Variants in PKD1 observed in about 807,000 individuals in gnomAD.
PKD1 encodes polycystin 1, transient receptor potential channel interacting.
Under a neutral mutation model 361.7 loss-of-function variants are expected in PKD1, and 81 were observed. The observed-to-expected ratio is 0.22, with a 90% CI of 0.19 to 0.27. The LOEUF is 0.27. PKD1 is among the 10% of genes least tolerant of loss of function. The pLI is 1.00. For missense variants in PKD1, 6,399 were observed against 6,118.3 expected, an observed-to-expected ratio of 1.05 and a Z score of -1.53; for synonymous variants, 3,615 against 2,818.3, an observed-to-expected ratio of 1.28 and a Z score of -8.95.
Position 2,091,543 on chromosome 16 carries a change from G to A in PKD1, c.11592C>T (p.His3864=), listed in dbSNP as rs569270149. 54 of 1,518,878 alleles carry A rather than the reference G, an allele frequency of 3.6e-5. No individual in the cohort carries two copies. In the East Asian group the frequency reaches 9.0e-4, roughly 25 times the overall value. 94.1% of individuals were successfully genotyped at this position (1,518,878 alleles called of 1,614,324 possible). ...ACTCGAGGCGCAGCGTGACGGCGGC[G>A]TGCAGCCCCACGGCCGGGCTGTAGC... is the stretch of plus-strand genomic sequence containing the variant. ...LTRYSPAVGL[H]AAVTLRLEFP... Residue 3864 remains histidine, a synonymous_variant, in exon 42 of 46, where the codon CAC becomes CAT. Coordinates refer to ENST00000262304, the MANE Select transcript of PKD1 (RefSeq NM_001009944.3).
intron 1 of PKD1, chr16:2,133,168 G>A (rs952997746): frequency 4.6e-5 from 7 of 150,754 alleles, no homozygotes; most frequent in South Asian, 2.1e-4. Context: ...GGGGTGGGGG[G>A]TCTGTGAGTC....
In PKD1 at chr16:2,089,689, A is replaced by G; in HGVS notation, c.*38T>C. 1 of 1,551,362 alleles carries G rather than the reference A, an allele frequency of 6.4e-7. No homozygotes were observed. The highest frequency in any genetic ancestry group is 2.4e-5 in the East Asian group (1 of 41,680). ...CAGAAAGTAATACTGAGCGGTGTCC[A>G]CTCCGACTCCACGGCCCACCCCCGC... On this transcript the variant is annotated 3_prime_UTR_variant, in exon 46 of 46. Transcript: ENST00000262304.
At chr16:2,115,764 G>T in intron 9 of PKD1, 139 bp from the exon 10 acceptor site, 1 of 1,028,726 alleles carries the variant, frequency 9.7e-7, no homozygotes, top group Non-Finnish European at 1.4e-6. Flanking sequence ...GCCCAGTGCT[G>T]CGTCCGTCTC....
At chr16:2,126,461 T>C (rs1405818189) in intron 1 of PKD1, among the ~76,000 whole-genome samples, 1 of 152,270 alleles carries the variant, frequency 6.6e-6, no homozygotes, top group Non-Finnish European at 1.5e-5. Context: ...GATGTAGCCC[T>C]TCTCCTGCCA....
chr16:2,092,873 T>C (rs973962901), intron 38 of PKD1, 81 bp downstream of exon 38: 13 of 1,528,188 alleles, frequency 8.5e-6, no homozygotes, highest in Non-Finnish European at 1.2e-5. Flanking sequence ...TCTACACATG[T>C]CCACATGTCC....
At position 2,111,562 on chromosome 16, in the gene PKD1, G is replaced by A. The variant is rs767834829; in HGVS notation, c.3605C>T (p.Ala1202Val). ...CTCAAAGACGCGCACATCCGCCTGG[G>A]CCGCCGCACCGCTCACCGTGTTGTT... ...EVNNTVSGAA[A>V]QADVRVFEEL... The change falls in exon 15 of 46, where the codon GCC (alanine) becomes GTC (valine). Residue 1202 changes from alanine (A) to valine (V), a missense_variant. Coordinates refer to ENST00000262304, the MANE Select transcript of PKD1 (RefSeq NM_001009944.3). The A allele has an allele frequency of 2.4e-5, 38 of 1,582,104 alleles. No individual in the cohort carries two copies. The highest frequency in any genetic ancestry group is 2.0e-4 in the Middle Eastern group (1 of 4,912).
intron 26 of PKD1, among the ~76,000 whole-genome samples, chr16:2,101,797 G>A (rs1323994404): frequency 5.3e-5 from 8 of 152,242 alleles, no homozygotes; most frequent in Admixed American, 1.3e-4. Context: ...CGATGCTCAC[G>A]TCACTTGTGG....
At position 2,108,798 on chromosome 16, in the gene PKD1, C is replaced by A; in HGVS notation, c.6369G>T (p.Gln2123His). 2 of 1,569,090 alleles carry A rather than the reference C, an allele frequency of 1.3e-6. No homozygotes were observed. Among genetic ancestry groups the A allele is most frequent in the Admixed American group, 1.8e-5 (1 of 54,850 alleles). ...SYLRPGDYRV[Q>H]VNASNLVSFF... ...AGCTCACCAGGTTGGAGGCGTTCAC[C>A]TGCACGCGGTAGTCCCCAGGCCTCA... Residue 2123 changes from glutamine (Q) to histidine (H), a missense_variant, in exon 15 of 46, where the codon CAG becomes CAT. By Grantham distance (24) the Gln-to-His change is conservative (BLOSUM62 0). Transcript: ENST00000262304.
rs914018183 is a variant in PKD1 at position 2,119,344 on chromosome 16, C to T, written c.250G>A (p.Val84Ile). Residue 84 changes from valine (V) to isoleucine (I), a missense_variant, in exon 2 of 46, where the codon GTT (valine) becomes ATT (isoleucine). Physicochemically the swap from Val to Ile is conservative, Grantham distance 29. Coordinates refer to ENST00000262304, the MANE Select transcript of PKD1 (RefSeq NM_001009944.3). ...VSHNLLRALD[V>I]GLLANLSALA... ...GCCGAGAGGTTCGCCAGGAGCCCAA[C>T]GTCCAGCGCCCGGAGCAGGTTGTGG... 5.4e-5 allele frequency: 76 copies of T among 1,412,024 alleles called. No individual in the cohort carries two copies. Among genetic ancestry groups the T allele is most frequent in the Middle Eastern group, 2.4e-4 (1 of 4,140 alleles). The allele number at this position is 1,412,024 out of a possible 1,614,324, so 87.5% of individuals were successfully genotyped here.
chr16:2,118,046 C>T lies in PKD1; in HGVS notation c.946G>A (p.Ala316Thr), dbSNP rs1206750711. The T allele has an allele frequency of 1.9e-6, 3 of 1,603,620 alleles. No homozygotes were observed. In the African/African-American group the frequency reaches 4.0e-5, roughly 21 times the overall value. Residue 316 changes from alanine (A) to threonine (T), a missense_variant, in exon 5 of 46, where the codon GCC (alanine) becomes ACC (threonine). By Grantham distance (58) the Ala-to-Thr change is moderately conservative (BLOSUM62 0). Transcript: ENST00000262304. The surrounding 1 kb of genome is among the most constrained non-coding windows in gnomAD (Gnocchi z 6.0). The part of the protein sequence containing the change: ...DFGDGSAEVD[A>T]AGPAASHRYV... ...CGATGCGAGGCAGCCGGCCCAGCGGCATCCACCTCGGCGGAGCCGTCTCCG... is the reference window on the plus strand; with the variant it reads ...CGATGCGAGGCAGCCGGCCCAGCGGTATCCACCTCGGCGGAGCCGTCTCCG...
At chr16:2,102,782 C>A in intron 24 of PKD1, 32 bp downstream of exon 24, 1 of 1,609,680 alleles carries the variant, frequency 6.2e-7, no homozygotes. Flanking sequence ...GATGCCCTGC[C>A]CTGCCCTGCC....
chr16:2,093,398 G>A, intron 37 of PKD1, 146 bp downstream of exon 37: 2 of 819,418 alleles, frequency 2.4e-6, no homozygotes, highest in South Asian at 1.7e-5. Flanking sequence ...GGGGTAGGAG[G>A]GAGACCGGGC....
chr16:2,132,856 C>A (rs890120129), intron 1 of PKD1, among the ~76,000 whole-genome samples: 3 of 148,502 alleles, frequency 2.0e-5, no homozygotes, highest in Non-Finnish European at 4.5e-5. Context: ...CCGAGGCGGG[C>A]GGATCATCTG....
Position 2,097,505 on chromosome 16 carries a change from T to G in PKD1, c.10221-2A>C. ...TCGCCGGAGGGCCAGCACACCAGACTGCAGGTGGCGCGGGTCAGCAAGGTA... is the reference window on the plus strand; with the variant it reads ...TCGCCGGAGGGCCAGCACACCAGACGGCAGGTGGCGCGGGTCAGCAAGGTA... On this transcript the variant is annotated splice_acceptor_variant, in intron 32 of 45. Transcript: ENST00000262304. LOFTEE classifies it high-confidence loss of function. 1.2e-6 allele frequency: 2 copies of G among 1,601,628 alleles called. No homozygotes were observed. The highest frequency in any genetic ancestry group is 1.1e-5 in the South Asian group (1 of 90,992).
intron 26 of PKD1, among the ~76,000 whole-genome samples, chr16:2,101,399 G>A (rs1026207076): frequency 5.3e-5 from 8 of 152,168 alleles, no homozygotes; most frequent in Non-Finnish European, 1.2e-4. Context: ...TGTCATCCCA[G>A]CACTCTGGCA....
At chr16:2,123,885 C>T (rs2092759604) in intron 1 of PKD1, among the ~76,000 whole-genome samples, 1 of 152,206 alleles carries the variant, frequency 6.6e-6, no homozygotes, top group African/African-American at 2.4e-5. Flanking sequence ...GAAGCTGAAG[C>T]CAAGCTTGTC....
At chr16:2,124,020 C>T (rs1401130433) in intron 1 of PKD1, among the ~76,000 whole-genome samples, 1 of 152,198 alleles carries the variant, frequency 6.6e-6, no homozygotes, top group African/African-American at 2.4e-5. Context: ...TGGGACCCAG[C>T]GGGCTCCTTA....
intron 14 of PKD1, among the ~76,000 whole-genome samples, 156 bp from the exon 15 acceptor site, chr16:2,112,027 C>A (rs2092524140): frequency 6.6e-6 from 1 of 152,226 alleles, no homozygotes; most frequent in Non-Finnish European, 1.5e-5. Flanking sequence ...CGGGACGGAG[C>A]ACAGGTGTAG....
chr16:2,098,931 T>C (rs539876182), intron 30 of PKD1: 2,661 of 153,630 alleles, frequency 0.017, 24 homozygotes, highest in African/African-American at 0.037. Flanking sequence ...CCTGGGTTCA[T>C]GCCATTCTCC....
Sources: allele counts gnomAD v4.1 joint callset (sites outside exome capture counted in the v4.1 genomes callset), GRCh38; gene constraint gnomAD v4.1.1; non-coding constraint Gnocchi (gnomAD v3.1); transcripts MANE v1.5; gene names NCBI Gene and HGNC (gene_info 2026-07-23, HGNC 2026-07-21).